GALNT8: variants seen among roughly 807,000 people sequenced by gnomAD.
GALNT8 encodes the protein probable polypeptide N-acetylgalactosaminyltransferase 8.
In GALNT8, 66 loss-of-function variants were observed where a neutral mutation model predicts 62.7. That is an observed-to-expected ratio of 1.05 (90% CI 0.86 to 1.29). GALNT8 has a LOEUF of 1.29. Among genes scored for constraint, GALNT8 ranks in the 50% most tolerant of loss-of-function variants. The pLI is 0.00. For synonymous variants in GALNT8, 288 were observed against 294.3 expected (o/e 0.98, Z 0.22); for missense variants, 771 against 791.8 (o/e 0.97, Z 0.32).
At chr12:4,727,781 G>A (rs1171780743) in intron 2 of GALNT8, among the ~76,000 whole-genome samples, 1 of 152,086 alleles carries the variant, frequency 6.6e-6, no homozygotes, top group Non-Finnish European at 1.5e-5. Flanking sequence ...TGAACATTTG[G>A]ATTGTTCCCA....
chr12:4,721,009 T>A (rs1425222280), intron 1 of GALNT8, 121 bp downstream of exon 1: 3 of 660,422 alleles, frequency 4.5e-6, no homozygotes, highest in Non-Finnish European at 8.3e-6. Context: ...CAGTCGCTCA[T>A]TGAAGCATCT....
intron 2 of GALNT8, among the ~76,000 whole-genome samples, chr12:4,736,764 T>A (rs954475035): frequency 9.2e-5 from 14 of 152,168 alleles, no homozygotes; most frequent in African/African-American, 3.4e-4. Flanking sequence ...AGTTACTAGA[T>A]GCTTTGTCTA....
At chr12:4,725,553 C>CTTT (rs747460695) in intron 1 of GALNT8, among the ~76,000 whole-genome samples, 149 of 119,642 alleles carry the variant, frequency 1.2e-3, no homozygotes, top group Middle Eastern at 4.9e-3. Context: ...TGAAGACATT[C>CTTT]TTTTTTTTTT....
intron 6 of GALNT8, among the ~76,000 whole-genome samples, chr12:4,755,234 A>T (rs1946339411): frequency 6.6e-6 from 1 of 152,236 alleles, no homozygotes; most frequent in Non-Finnish European, 1.5e-5. Context: ...AAAGCACTTT[A>T]GCCTGGTGGC....
intron 1 of GALNT8, 56 bp downstream of exon 1, chr12:4,720,944 A>T: frequency 9.0e-7 from 1 of 1,105,372 alleles, no homozygotes; most frequent in African/African-American, 1.5e-5. Context: ...TGTTTGGGGC[A>T]CTTAGGAAAA....
chr12:4,721,490 G>T (rs1005162373), intron 1 of GALNT8, among the ~76,000 whole-genome samples: 1 of 152,144 alleles, frequency 6.6e-6, no homozygotes, highest in Non-Finnish European at 1.5e-5. Flanking sequence ...AGATAAACAC[G>T]TGAACAAAGG....
intron 10 of GALNT8, 30 bp from the exon 11 acceptor site, chr12:4,772,415 C>A (rs1171681267): frequency 1.9e-6 from 3 of 1,604,324 alleles, no homozygotes; most frequent in Admixed American, 3.3e-5. Context: ...GGCATTTCAG[C>A]ACCTTGGCTC....
chr12:4,747,472 G>GT (rs1946305075), intron 6 of GALNT8, among the ~76,000 whole-genome samples: 4 of 152,058 alleles, frequency 2.6e-5, no homozygotes, highest in Admixed American at 2.0e-4. Context: ...GAAATACAGT[G>GT]TTTGTCTTTC....
chr12:4,732,374 T>A (rs1266850547), intron 2 of GALNT8, among the ~76,000 whole-genome samples: 1 of 152,054 alleles, frequency 6.6e-6, no homozygotes, highest in Non-Finnish European at 1.5e-5. Flanking sequence ...TTCCTCTAGA[T>A]GTCATCCAAC....
chr12:4,746,328 T>C lies in GALNT8; in HGVS notation c.1173+70T>C, dbSNP rs188693079. 154 of 881,060 alleles carry C rather than the reference T, an allele frequency of 1.7e-4. No homozygotes were observed. The Admixed American group carries it at 2.7e-3, about 15-fold the overall frequency. 54.6% of individuals were successfully genotyped at this position (881,060 alleles called of 1,614,324 possible). A position where few individuals can be genotyped will look rare whatever the true frequency, so the allele number is the denominator to read the frequency against. On this transcript the variant is annotated intron_variant, in intron 6 of 10. Transcript: ENST00000252318. ...AATAATAGAAAGGTAGTAGGACCCC[T>C]GGAATCCTAGAACAAGGCTGAATGT... is the stretch of plus-strand genomic sequence containing the variant.
At chr12:4,740,121 G>A (rs1165148365) in intron 3 of GALNT8, among the ~76,000 whole-genome samples, 1 of 152,138 alleles carries the variant, frequency 6.6e-6, no homozygotes, top group Non-Finnish European at 1.5e-5. Context: ...AGAGATTTGG[G>A]TGCTGACTCT....
intron 2 of GALNT8, among the ~76,000 whole-genome samples, chr12:4,730,057 A>T (rs1946214786): frequency 6.6e-6 from 1 of 151,940 alleles, no homozygotes; most frequent in East Asian, 1.9e-4. Context: ...TCATTTGCTG[A>T]TTTTTATTTT....
At chr12:4,721,671 G>T (rs575600266) in intron 1 of GALNT8, among the ~76,000 whole-genome samples, 8 of 152,092 alleles carry the variant, frequency 5.3e-5, no homozygotes, top group Admixed American at 5.2e-4. Flanking sequence ...GTTTTACACC[G>T]AGACATTCCA....
chr12:4,759,456 C>A (rs922109207), intron 6 of GALNT8, among the ~76,000 whole-genome samples: 3 of 130,640 alleles, frequency 2.3e-5, no homozygotes, highest in Admixed American at 1.6e-4. Context: ...GCACACCTGG[C>A]AGCTAGAGGC....
In GALNT8 at chr12:4,770,942, T is replaced by C. The variant is rs532021722; in HGVS notation, c.1762-1503T>C. On this transcript the variant is annotated intron_variant, in intron 10 of 10. Transcript: ENST00000252318. ...TAAAAGATGGATGTTAGGAATAGTG[T>C]TTCTCTAGCATCGAGGATGGCTGGG... 1.4e-4 allele frequency among the ~76,000 whole-genome samples: 21 copies of C among 152,276 alleles called. No homozygotes were observed. In the East Asian group the frequency reaches 4.1e-3, roughly 29 times the overall value.
intron 9 of GALNT8, 25 bp downstream of exon 9, chr12:4,764,072 C>G: frequency 3.9e-6 from 5 of 1,289,548 alleles, no homozygotes; most frequent in South Asian, 1.2e-5. Flanking sequence ...CTTCCTGGCC[C>G]TGCCTGGGCA....
intron 3 of GALNT8, among the ~76,000 whole-genome samples, chr12:4,740,220 G>C (rs1946265810): frequency 1.3e-5 from 2 of 152,310 alleles, no homozygotes; most frequent in South Asian, 4.1e-4. Flanking sequence ...ACAGACCTGA[G>C]TCCTCACTTT....
intron 9 of GALNT8, among the ~76,000 whole-genome samples, chr12:4,764,317 T>C (rs1156260261): frequency 1.3e-5 from 2 of 152,140 alleles, no homozygotes; most frequent in Admixed American, 1.3e-4. Context: ...GATATTTGCA[T>C]TGACAATCAC....
intron 3 of GALNT8, among the ~76,000 whole-genome samples, chr12:4,741,803 T>A (rs553015480): frequency 6.6e-6 from 1 of 152,300 alleles, no homozygotes; most frequent in South Asian, 2.1e-4. Context: ...CCCACGTTTG[T>A]TTTTCACAGA....
Sources: allele counts gnomAD v4.1 joint callset (sites outside exome capture counted in the v4.1 genomes callset), GRCh38; gene constraint gnomAD v4.1.1; transcripts MANE v1.5; gene names NCBI Gene and HGNC (gene_info 2026-07-23, HGNC 2026-07-21).